The following TTLL7 variants were observed in gnomAD, a reference collection of about 807,000 sequenced individuals.
TTLL7 encodes the protein tubulin polyglutamylase TTLL7.
A neutral mutation model predicts 120.2 loss-of-function variants in TTLL7; 53 were observed. The ratio of observed to expected loss-of-function variants is 0.44; its 90% CI spans 0.35 to 0.55. The LOEUF (loss-of-function observed/expected upper bound fraction) is 0.55. Ranked by LOEUF, TTLL7 falls within the 20% of genes least tolerant of loss-of-function variation. The pLI, the probability that TTLL7 is intolerant of heterozygous loss-of-function variation, is 0.00. For missense variants in TTLL7, 803 were observed against 1,054.7 expected (o/e 0.76, Z 3.31); for synonymous variants, 353 against 351.7 (o/e 1.00, Z -0.04).
chr1:83,917,326 T>C (rs531404643), intron 14 of TTLL7, among the ~76,000 whole-genome samples: 144 of 152,260 alleles, frequency 9.5e-4, no homozygotes, highest in African/African-American at 3.2e-3. Flanking sequence ...ACTTAATACT[T>C]AGTTTAGAAT....
intron 18 of TTLL7, among the ~76,000 whole-genome samples, chr1:83,891,093 G>T (rs1015383930): frequency 1.3e-5 from 2 of 151,854 alleles, no homozygotes; most frequent in Admixed American, 1.3e-4. Flanking sequence ...GTCACAAAAA[G>T]CTATGGACCA....
chr1:83,952,965 A>G (rs1288324422), intron 1 of TTLL7, among the ~76,000 whole-genome samples: 1 of 152,212 alleles, frequency 6.6e-6, no homozygotes, highest in Non-Finnish European at 1.5e-5. Flanking sequence ...GGTAGAGGTC[A>G]CATGTTGACA....
chr1:83,929,277 AT>A, intron 9 of TTLL7, 47 bp from the exon 10 acceptor site: 1 of 1,404,038 alleles, frequency 7.1e-7, no homozygotes, highest in Non-Finnish European at 1.0e-6. Context: ...TAAATATTCA[AT>A]ACATATTTGT....
At chr1:83,953,062 G>A (rs988241198) in intron 1 of TTLL7, among the ~76,000 whole-genome samples, 5 of 152,134 alleles carry the variant, frequency 3.3e-5, no homozygotes, top group Non-Finnish European at 5.9e-5. Context: ...CTTAAAAAAT[G>A]AGAACAGTTT....
At chr1:83,914,253 C>G (rs1313741387) in intron 14 of TTLL7, among the ~76,000 whole-genome samples, 2 of 150,984 alleles carry the variant, frequency 1.3e-5, no homozygotes, top group African/African-American at 4.9e-5. Flanking sequence ...ACATCCTATA[C>G]AGTATCATAA....
chr1:83,892,237 T>C (rs1557560886), intron 18 of TTLL7, among the ~76,000 whole-genome samples: 2 of 139,186 alleles, frequency 1.4e-5, no homozygotes, highest in Non-Finnish European at 3.1e-5. Flanking sequence ...TGTATATATA[T>C]GAATATATAT....
intron 6 of TTLL7, among the ~76,000 whole-genome samples, chr1:83,944,612 G>A (rs958557983): frequency 5.3e-5 from 8 of 152,194 alleles, no homozygotes; most frequent in Non-Finnish European, 8.8e-5. Context: ...GGAGGCTGGG[G>A]AAGGAGAGTC....
chr1:83,922,886 G>C (rs1557650571), intron 10 of TTLL7, among the ~76,000 whole-genome samples: 1 of 150,786 alleles, frequency 6.6e-6, no homozygotes, highest in East Asian at 1.9e-4. Context: ...AAAGTATGAG[G>C]GCTTGGAACA....
chr1:83,969,911 A>G (rs1650821015), intron 1 of TTLL7, among the ~76,000 whole-genome samples: 1 of 152,020 alleles, frequency 6.6e-6, no homozygotes, highest in Non-Finnish European at 1.5e-5. Context: ...ACCATGAAAG[A>G]ATGAATGATA....
chr1:83,881,802 G>A lies in TTLL7; in HGVS notation c.2543+1161C>T, dbSNP rs1294668568. 3.0e-3 allele frequency among the ~76,000 whole-genome samples: 454 copies of A among 149,156 alleles called. 1 individual carries two copies. Among genetic ancestry groups the A allele is most frequent in the African/African-American group, 0.01 (417 of 40,470 alleles). On this transcript the variant is annotated intron_variant, in intron 20 of 20. Transcript: ENST00000260505. ...ACACATGCACACGTATGTTTATTGCGGCACTATTCACAATAGCAAAGACTT... is the reference window on the plus strand; with the variant it reads ...ACACATGCACACGTATGTTTATTGCAGCACTATTCACAATAGCAAAGACTT...
intron 19 of TTLL7, 72 bp downstream of exon 19, chr1:83,890,249 T>C (rs1655353334): frequency 7.0e-7 from 1 of 1,424,670 alleles, no homozygotes; most frequent in Admixed American, 2.3e-5. Context: ...TCAAGCATTT[T>C]ATTAGGATAT....
intron 20 of TTLL7, among the ~76,000 whole-genome samples, chr1:83,881,643 C>T (rs1654483568): frequency 2.6e-5 from 4 of 151,266 alleles, no homozygotes; most frequent in Admixed American, 2.6e-4. Context: ...GTTGGTGGGA[C>T]TGTAAACTAG....
At chr1:83,994,462 A>C (rs1310789165) in intron 1 of TTLL7, among the ~76,000 whole-genome samples, 2 of 152,196 alleles carry the variant, frequency 1.3e-5, no homozygotes, top group Non-Finnish European at 2.9e-5. Flanking sequence ...TGCCCTTCTC[A>C]TTGCAAGAAG....
chr1:83,958,072 G>C (rs1236398575), intron 1 of TTLL7, among the ~76,000 whole-genome samples: 1 of 152,126 alleles, frequency 6.6e-6, no homozygotes, highest in Non-Finnish European at 1.5e-5. Context: ...AGAGCAAGAA[G>C]ACAACAAAGA....
intron 1 of TTLL7, among the ~76,000 whole-genome samples, chr1:83,990,595 T>C (rs1229060624): frequency 6.6e-6 from 1 of 152,138 alleles, no homozygotes; most frequent in African/African-American, 2.4e-5. Context: ...AATAAGCAAA[T>C]GAAAAGATGT....
intron 1 of TTLL7, among the ~76,000 whole-genome samples, chr1:83,982,701 A>G (rs1378595453): frequency 6.6e-6 from 1 of 152,266 alleles, no homozygotes; most frequent in Non-Finnish European, 1.5e-5. Flanking sequence ...TGAAAGAATC[A>G]GAATCATTTA....
chr1:83,873,675 C>A (rs530653220), intron 20 of TTLL7, among the ~76,000 whole-genome samples: 1 of 152,234 alleles, frequency 6.6e-6, no homozygotes, highest in Admixed American at 6.5e-5. Flanking sequence ...ATATTAAGTA[C>A]AAACATAGAG....
At chr1:83,941,377 T>A (rs991595564) in intron 7 of TTLL7, among the ~76,000 whole-genome samples, 4 of 152,228 alleles carry the variant, frequency 2.6e-5, no homozygotes, top group African/African-American at 9.6e-5. Context: ...TGTAGTAGAG[T>A]TCAAACATTA....
At chr1:83,953,284 T>A (rs544509668) in intron 1 of TTLL7, among the ~76,000 whole-genome samples, 1 of 152,284 alleles carries the variant, frequency 6.6e-6, no homozygotes, top group African/African-American at 2.4e-5. Context: ...CTTTCTAATT[T>A]CTCCTTATTG....
Sources: allele counts gnomAD v4.1 joint callset (sites outside exome capture counted in the v4.1 genomes callset), GRCh38; gene constraint gnomAD v4.1.1; transcripts MANE v1.5; gene names NCBI Gene and HGNC (gene_info 2026-07-23, HGNC 2026-07-21).